The following ZFYVE16 variants were observed in gnomAD, a reference collection of about 807,000 sequenced individuals.
ZFYVE16 encodes zinc finger FYVE-type containing 16.
ZFYVE16 carries 89 observed loss-of-function variants against 138.1 expected under a neutral mutation model. That is an observed-to-expected ratio of 0.64 (90% CI 0.54 to 0.77). ZFYVE16 has a LOEUF of 0.77. ZFYVE16 is among the 30% of genes least tolerant of loss of function. The pLI, the probability that ZFYVE16 is intolerant of heterozygous loss-of-function variation, is 0.00. For missense variants in ZFYVE16, 1,793 were observed against 1,786.7 expected (o/e 1.00, Z -0.06); for synonymous variants, 596 against 618.3 (o/e 0.96, Z 0.53).
At position 80,437,066 on chromosome 5, in the gene ZFYVE16, T is replaced by C; in HGVS notation, c.381T>C (p.Cys127=). 1 of 1,614,192 alleles carries C rather than the reference T, an allele frequency of 6.2e-7. No individual in the cohort carries two copies. The highest frequency in any genetic ancestry group is 8.5e-7 in the Non-Finnish European group (1 of 1,180,022). The change falls in exon 4 of 19, where the codon TGT becomes TGC. Residue 127 remains cysteine, a synonymous_variant. Coordinates refer to ENST00000505560, the MANE Select transcript of ZFYVE16 (RefSeq NM_001284236.3). ...TGGGACGATGTAGTAAACCTATCTG[T>C]GATCTGATAAGTGACATGGGTAACT... The part of the protein sequence containing the change: ...LYMGRCSKPI[C]DLISDMGNLV...
intron 3 of ZFYVE16, among the ~76,000 whole-genome samples, chr5:80,435,098 G>C (rs1032539291): frequency 3.3e-5 from 5 of 152,070 alleles, no homozygotes; most frequent in African/African-American, 1.2e-4. Flanking sequence ...GCAGTGGCAT[G>C]ATCTCGGCTC....
chr5:80,415,574 T>A (rs1746084012), intron 1 of ZFYVE16, among the ~76,000 whole-genome samples: 1 of 152,202 alleles, frequency 6.6e-6, no homozygotes, highest in South Asian at 2.1e-4. Context: ...TCTCATGTTT[T>A]TCTCGTTATT....
chr5:80,426,200 T>G (rs888134801), intron 1 of ZFYVE16, among the ~76,000 whole-genome samples: 1 of 65,670 alleles, frequency 1.5e-5, no homozygotes, highest in African/African-American at 4.2e-5. Context: ...TGTGTGTGTG[T>G]GGTGTGTGTG....
intron 1 of ZFYVE16, among the ~76,000 whole-genome samples, chr5:80,413,870 T>C (rs1419834716): frequency 6.6e-6 from 1 of 151,576 alleles, no homozygotes; most frequent in East Asian, 1.9e-4. Context: ...ATTTGAAGTA[T>C]AGTTTACTCA....
intron 11 of ZFYVE16, 151 bp from the exon 12 acceptor site, chr5:80,455,539 CAA>C: frequency 5.2e-6 from 3 of 572,062 alleles, no homozygotes; most frequent in Non-Finnish European, 8.6e-6. Flanking sequence ...GTCTCAAAAA[CAA>C]AAAAAAAATT....
chr5:80,413,242 C>T (rs1177883068), intron 1 of ZFYVE16, among the ~76,000 whole-genome samples: 1 of 152,084 alleles, frequency 6.6e-6, no homozygotes, highest in East Asian at 1.9e-4. Context: ...GAGGCTGAGG[C>T]AGGAGGATCA....
chr5:80,434,040 G>T, intron 2 of ZFYVE16, 69 bp from the exon 3 acceptor site: 5 of 1,014,224 alleles, frequency 4.9e-6, no homozygotes, highest in Non-Finnish European at 7.3e-6. Flanking sequence ...GTGTTTCCTG[G>T]CATGGAATAC....
chr5:80,414,688 T>G (rs1745946843), intron 1 of ZFYVE16, among the ~76,000 whole-genome samples: 1 of 152,188 alleles, frequency 6.6e-6, no homozygotes, highest in South Asian at 2.1e-4. Flanking sequence ...AATACAAGAT[T>G]CATGTCCTTA....
At chr5:80,428,364 A>G (rs557940349) in intron 2 of ZFYVE16, among the ~76,000 whole-genome samples, 16 of 152,342 alleles carry the variant, frequency 1.1e-4, no homozygotes, top group African/African-American at 3.4e-4. Flanking sequence ...GTAGACCTCC[A>G]GCAAACTCCA....
In ZFYVE16 at chr5:80,449,691, C is replaced by A. The variant is rs1438771276; in HGVS notation, c.3204C>A (p.Leu1068=). ...PVTFVLNANL[L]VNVKFIFYSS... is the part of the protein sequence containing the mutation. Reference sequence around the variant, plus strand: ...CATTTGTCCTAAATGCTAATCTACTCGTGAATGTCAAATTCATATTTTGTA... The same window carrying A: ...CATTTGTCCTAAATGCTAATCTACTAGTGAATGTCAAATTCATATTTTGTA... Residue 1068 remains leucine, a synonymous_variant, in exon 9 of 19, where the codon CTC becomes CTA. Coordinates refer to ENST00000505560, the MANE Select transcript of ZFYVE16 (RefSeq NM_001284236.3). 4 of 1,597,562 alleles carry A rather than the reference C, an allele frequency of 2.5e-6. No individual in the cohort carries two copies. The Admixed American group carries it at 5.4e-5, about 22-fold the overall frequency.
intron 4 of ZFYVE16, 66 bp downstream of exon 4, chr5:80,439,073 A>G (rs1750360515): frequency 6.9e-7 from 1 of 1,441,604 alleles, no homozygotes. Flanking sequence ...ACAATGTGAT[A>G]GAAAAGGCTG....
chr5:80,408,707 G>A (rs1744992228), intron 1 of ZFYVE16, among the ~76,000 whole-genome samples: 1 of 152,238 alleles, frequency 6.6e-6, no homozygotes, highest in African/African-American at 2.4e-5. Context: ...GTACTTTTGA[G>A]AACTCCAAAA....
intron 2 of ZFYVE16, among the ~76,000 whole-genome samples, chr5:80,432,112 G>T (rs1034158651): frequency 1.3e-5 from 2 of 151,878 alleles, no homozygotes; most frequent in Non-Finnish European, 2.9e-5. Context: ...ACCAAAAAAG[G>T]GCCCGCATTG....
At chr5:80,414,859 G>A (rs1745978704) in intron 1 of ZFYVE16, among the ~76,000 whole-genome samples, 1 of 152,188 alleles carries the variant, frequency 6.6e-6, no homozygotes, top group Non-Finnish European at 1.5e-5. Context: ...AGGAGAGGTA[G>A]GGGATGCAGA....
chr5:80,443,873 A>T, intron 6 of ZFYVE16: 1 of 456,266 alleles, frequency 2.2e-6, no homozygotes, highest in Non-Finnish European at 4.4e-6. Flanking sequence ...CCAGCCTGGC[A>T]TCCAAGAGCC....
At chr5:80,419,807 T>G (rs559784674) in intron 1 of ZFYVE16, among the ~76,000 whole-genome samples, 2 of 151,952 alleles carry the variant, frequency 1.3e-5, no homozygotes, top group East Asian at 3.9e-4. Context: ...CTTTGGTTTT[T>G]TTTTGTTTTG....
chr5:80,424,830 C>T (rs1747760269), intron 1 of ZFYVE16, among the ~76,000 whole-genome samples: 1 of 152,114 alleles, frequency 6.6e-6, no homozygotes, highest in Non-Finnish European at 1.5e-5. Context: ...GGTATAACCA[C>T]AATTTAAAAA....
intron 1 of ZFYVE16, among the ~76,000 whole-genome samples, chr5:80,416,775 T>C (rs1268995084): frequency 6.6e-6 from 1 of 152,124 alleles, no homozygotes; most frequent in Non-Finnish European, 1.5e-5. Context: ...CAGCCATTTT[T>C]CCAAGGAGAC....
chr5:80,407,969 G>A (rs1418349768), upstream of ZFYVE16: 1 of 152,366 alleles, frequency 6.6e-6, no homozygotes, highest in Non-Finnish European at 1.5e-5. Flanking sequence ...GCCGAGGGAG[G>A]GGGCGTGTGA....
Sources: gnomAD v4.1 joint callset for allele counts (sites outside exome capture counted in the v4.1 genomes callset) on GRCh38, gnomAD v4.1.1 for gene constraint, MANE v1.5 for transcripts, NCBI Gene and HGNC (gene_info 2026-07-23, HGNC 2026-07-21) for gene names.